Variants in CDH13 observed in about 807,000 individuals in gnomAD.
CDH13 encodes cadherin-13.
A neutral mutation model predicts 63.8 loss-of-function variants in CDH13; 24 were observed. The observed-to-expected ratio is 0.38, with a 90% CI of 0.27 to 0.53. The LOEUF (loss-of-function observed/expected upper bound fraction) is 0.53. Ranked by LOEUF, CDH13 falls within the 20% of genes least tolerant of loss-of-function variation. The pLI is 0.85. For synonymous variants in CDH13, 503 were observed against 355.3 expected (o/e 1.42, Z -4.67); for missense variants, 1,049 against 903.1 (o/e 1.16, Z -2.07).
intron 5 of CDH13, among the ~76,000 whole-genome samples, chr16:83,247,626 T>C (rs186923119): frequency 1.5e-4 from 23 of 152,352 alleles, no homozygotes; most frequent in Non-Finnish European, 3.4e-4. Flanking sequence ...CTTCTGGATT[T>C]TTCATGAAGC....
intron 3 of CDH13, among the ~76,000 whole-genome samples, chr16:83,079,656 A>T (rs1032687968): frequency 2.0e-5 from 3 of 152,166 alleles, no homozygotes; most frequent in African/African-American, 7.2e-5. Context: ...TGCTGCCTAC[A>T]CTCATAAATG....
intron 1 of CDH13, among the ~76,000 whole-genome samples, chr16:82,771,847 C>T (rs1308069406): frequency 6.6e-6 from 1 of 152,328 alleles, no homozygotes; most frequent in Admixed American, 6.5e-5. Flanking sequence ...ATAACTTTGG[C>T]CTCATCTTCC....
At chr16:83,480,181 T>G (rs2073724870) in intron 6 of CDH13, among the ~76,000 whole-genome samples, 1 of 152,154 alleles carries the variant, frequency 6.6e-6, no homozygotes, top group South Asian at 2.1e-4. Flanking sequence ...CCAGGCATAG[T>G]GGTGCGCACC....
intron 2 of CDH13, among the ~76,000 whole-genome samples, chr16:82,978,154 G>C (rs1048825456): frequency 6.6e-6 from 1 of 152,186 alleles, no homozygotes; most frequent in Non-Finnish European, 1.5e-5. Flanking sequence ...CCTTCAAGAG[G>C]TGGCTTGGGT....
At chr16:83,689,430 G>T (rs933114580) in intron 10 of CDH13, among the ~76,000 whole-genome samples, 7 of 152,264 alleles carry the variant, frequency 4.6e-5, no homozygotes, top group East Asian at 3.9e-4. Context: ...ATCTGAGTTT[G>T]TCTATCAATC....
intron 6 of CDH13, among the ~76,000 whole-genome samples, chr16:83,432,704 C>A (rs2072157949): frequency 6.6e-6 from 1 of 152,156 alleles, no homozygotes; most frequent in Non-Finnish European, 1.5e-5. Context: ...CCCCAAAGGG[C>A]CCCAAGAAAA....
chr16:82,839,160 G>A (rs772137156), intron 1 of CDH13, among the ~76,000 whole-genome samples: 9 of 152,194 alleles, frequency 5.9e-5, no homozygotes, highest in Non-Finnish European at 1.3e-4. Context: ...GAGGGAGAGA[G>A]GAGAATAAAT....
rs9938329 is a variant in CDH13 at position 83,081,542 on chromosome 16, T to A, written c.367-43843T>A. On this transcript the variant is annotated intron_variant, in intron 3 of 13. Transcript: ENST00000567109. Reference sequence around the variant, plus strand: ...GGGCTGCTATAACAATACCAGTGACTGGGTAGTATAGAAAACAAACATTTA... The same window carrying A: ...GGGCTGCTATAACAATACCAGTGACAGGGTAGTATAGAAAACAAACATTTA... Among the ~76,000 whole-genome samples, 182 of 152,338 alleles carry A rather than the reference T, an allele frequency of 1.2e-3. 2 individuals carry two copies. The highest frequency in any genetic ancestry group is 4.1e-3 in the African/African-American group (170 of 41,570).
intron 2 of CDH13, among the ~76,000 whole-genome samples, chr16:82,910,335 A>T (rs1004367460): frequency 2.0e-5 from 3 of 152,182 alleles, no homozygotes; most frequent in African/African-American, 2.4e-5. Context: ...CTGTGATGAC[A>T]TTTCTCCAGT....
intron 5 of CDH13, among the ~76,000 whole-genome samples, chr16:83,299,641 C>G (rs1262224035): frequency 6.6e-6 from 1 of 152,208 alleles, no homozygotes; most frequent in Non-Finnish European, 1.5e-5. Flanking sequence ...TAAAGCATCT[C>G]TTAACCTCCT....
At chr16:83,009,224 G>C (rs75214356) in intron 2 of CDH13, among the ~76,000 whole-genome samples, 2,133 of 152,292 alleles carry the variant, frequency 0.014, 63 homozygotes, top group African/African-American at 0.048. Flanking sequence ...TTTGATATTA[G>C]CATCCAGTAT....
At chr16:83,321,965 A>T (rs897494145) in intron 5 of CDH13, among the ~76,000 whole-genome samples, 1 of 152,248 alleles carries the variant, frequency 6.6e-6, no homozygotes, top group Non-Finnish European at 1.5e-5. Flanking sequence ...AGCCTGGTTC[A>T]GAGCCAGAGT....
chr16:83,660,155 G>A (rs58527658), intron 8 of CDH13, among the ~76,000 whole-genome samples: 11,438 of 152,102 alleles, frequency 0.075, 691 homozygotes, highest in African/African-American at 0.17. Flanking sequence ...CCAGGATTGC[G>A]GGGATGGTCT....
intron 6 of CDH13, among the ~76,000 whole-genome samples, chr16:83,362,681 T>C (rs1262598168): frequency 1.3e-5 from 2 of 152,230 alleles, no homozygotes; most frequent in African/African-American, 4.8e-5. Context: ...TGACCTCAAA[T>C]ACCATCTTCC....
rs564498401 is a variant in CDH13, at chr16:82,940,946, A to G, written c.157+82473A>G. ...TTTGCAAATGTGTTTGAATCACTGT[A>G]TGCTGTAGTGCAACTCATCCCCAAA... On this transcript the variant is annotated intron_variant, in intron 2 of 13. Transcript: ENST00000567109. 4.6e-5 allele frequency among the ~76,000 whole-genome samples: 7 copies of G among 152,322 alleles called. No individual in the cohort carries two copies. In the South Asian group the frequency reaches 8.3e-4, roughly 18 times the overall value.
In CDH13 at chr16:82,776,460, T is replaced by C. The variant is rs953766662; in HGVS notation, c.46-81902T>C. 3.6e-4 allele frequency among the ~76,000 whole-genome samples: 55 copies of C among 152,182 alleles called. 3 individuals carry two copies. The highest frequency in any genetic ancestry group is 1.5e-5 in the Non-Finnish European group (1 of 68,036). On this transcript the variant is annotated intron_variant, in intron 1 of 13. Coordinates refer to ENST00000567109, the MANE Select transcript of CDH13 (RefSeq NM_001257.5). Reference sequence around the variant, plus strand: ...ATCAGCCATGCTTAGTGGGAGTCTCTGAATCTGTAGTTATGACTGTAGTAA... The same window carrying C: ...ATCAGCCATGCTTAGTGGGAGTCTCCGAATCTGTAGTTATGACTGTAGTAA...
intron 2 of CDH13, among the ~76,000 whole-genome samples, chr16:83,011,622 T>A (rs1914164678): frequency 6.6e-6 from 1 of 152,134 alleles, no homozygotes; most frequent in Admixed American, 6.5e-5. Context: ...TACACACATA[T>A]CACTGAGCAA....
At chr16:83,330,676 T>G (rs1455074356) in intron 5 of CDH13, among the ~76,000 whole-genome samples, 1 of 152,182 alleles carries the variant, frequency 6.6e-6, no homozygotes, top group Non-Finnish European at 1.5e-5. Flanking sequence ...AGTGTGGGCC[T>G]GGAGCTGGTA....
At chr16:83,080,593 A>C (rs2033161571) in intron 3 of CDH13, among the ~76,000 whole-genome samples, 1 of 152,104 alleles carries the variant, frequency 6.6e-6, no homozygotes, top group African/African-American at 2.4e-5. Flanking sequence ...ACTAAGATTC[A>C]GATGGTTTAA....
Sources: gnomAD v4.1 joint callset for allele counts (sites outside exome capture counted in the v4.1 genomes callset) on GRCh38, gnomAD v4.1.1 for gene constraint, MANE v1.5 for transcripts, NCBI Gene and HGNC (gene_info 2026-07-23, HGNC 2026-07-21) for gene names.